The following LRRC42 variants were observed in gnomAD, a reference collection of about 807,000 sequenced individuals.
LRRC42 encodes the protein leucine rich repeat containing 42.
Under a neutral mutation model 44.3 loss-of-function variants are expected in LRRC42, and 43 were observed. The observed-to-expected ratio is 0.97, with a 90% confidence interval of 0.76 to 1.25. The LOEUF is 1.25. Ranked by LOEUF, LRRC42 falls within the 50% of genes most tolerant of loss-of-function variation. The pLI is 0.00. For synonymous variants in LRRC42, 207 were observed against 195.2 expected, an observed-to-expected ratio of 1.06 and a Z score of -0.50; for missense variants, 540 against 509.1, an observed-to-expected ratio of 1.06 and a Z score of -0.58.
At chr1:53,947,180 C>A (rs1374586349) in intron 1 of LRRC42, among the ~76,000 whole-genome samples, 2 of 151,474 alleles carry the variant, frequency 1.3e-5, no homozygotes, top group Non-Finnish European at 2.9e-5. Context: ...AAGGTTGGGT[C>A]TGTGGGACAG....
At chr1:53,948,063 A>T (rs1654573663) in intron 2 of LRRC42, 1 of 152,184 alleles carries the variant, frequency 6.6e-6, no homozygotes, top group African/African-American at 2.4e-5. Flanking sequence ...ATTACATGAG[A>T]TCATTTTATA....
intron 3 of LRRC42, among the ~76,000 whole-genome samples, chr1:53,954,112 A>G (rs1654766930): frequency 6.6e-6 from 1 of 152,272 alleles, no homozygotes; most frequent in African/African-American, 2.4e-5. Flanking sequence ...AGAGAAAGCC[A>G]TATCAGAAAA....
chr1:53,947,852 T>A (rs1654563194), intron 2 of LRRC42, 31 bp downstream of exon 2: 1 of 152,230 alleles, frequency 6.6e-6, no homozygotes, highest in African/African-American at 2.4e-5. Flanking sequence ...ACATTTTTTT[T>A]ATCCTTAAGG....
At chr1:53,962,624 G>T (rs1370850180) in intron 7 of LRRC42, among the ~76,000 whole-genome samples, 16 of 152,194 alleles carry the variant, frequency 1.1e-4, no homozygotes, top group Admixed American at 1.0e-3. Context: ...TCACTAGGTT[G>T]TGCCTTATCT....
At chr1:53,949,831 G>A (rs561915387) in intron 2 of LRRC42, among the ~76,000 whole-genome samples, 1 of 152,216 alleles carries the variant, frequency 6.6e-6, no homozygotes, top group Non-Finnish European at 1.5e-5. Context: ...TCTGGCAAGT[G>A]GGGGAGGAGC....
intron 5 of LRRC42, among the ~76,000 whole-genome samples, chr1:53,961,191 C>T (rs1172205907): frequency 1.3e-5 from 2 of 152,138 alleles, no homozygotes; most frequent in Non-Finnish European, 2.9e-5. Context: ...GGGCAGATCA[C>T]GAGGTCAGGA....
Position 53,960,455 on chromosome 1 carries a change from A to G in LRRC42, c.705A>G (p.Leu235=). ...TGATGAAAAGAGGCCTTGAGAATCT[A>G]ACATTATTAGACTTATCATGTAAGT... ...VRVMKRGLEN[L]TLLDLSCNPE... is the part of the protein sequence containing the mutation. The change falls in exon 5 of 9, where the codon CTA becomes CTG. Residue 235 remains leucine (L), a synonymous_variant. Transcript: ENST00000371370. The G allele has an allele frequency of 6.2e-7, 1 of 1,610,314 alleles. No homozygotes were observed. Among genetic ancestry groups the G allele is most frequent in the Non-Finnish European group, 8.5e-7 (1 of 1,176,882 alleles).
intron 4 of LRRC42, 58 bp from the exon 5 acceptor site, chr1:53,960,298 T>C (rs1654959234): frequency 7.8e-6 from 9 of 1,158,002 alleles, no homozygotes; most frequent in African/African-American, 7.7e-5. Flanking sequence ...CATGTTTTTA[T>C]ACCTAGATTG....
At chr1:53,961,336 G>A (rs566908109) in intron 5 of LRRC42, among the ~76,000 whole-genome samples, 6 of 152,114 alleles carry the variant, frequency 3.9e-5, no homozygotes, top group Admixed American at 1.3e-4. Context: ...GCGTGAATCC[G>A]GGAGGCGGAG....
chr1:53,962,409 G>A lies in LRRC42; in HGVS notation c.927G>A (p.Gln309=). 6.3e-7 allele frequency: 1 copy of A among 1,597,558 alleles called. No homozygotes were observed. The highest frequency in any genetic ancestry group is 1.1e-5 in the South Asian group (1 of 90,594). Reference sequence around the variant, plus strand: ...GCAAGACAGAGGGCTGGGCTGACCAGGTACTCCAGATTTTTCTTCCTTGCG... The same window carrying A: ...GCAAGACAGAGGGCTGGGCTGACCAAGTACTCCAGATTTTTCTTCCTTGCG... ...SNCKTEGWAD[Q]IVLQWERVTA... The change falls in exon 7 of 9, where the codon CAG becomes CAA. Residue 309 remains glutamine (Q), a splice_region_variant and synonymous_variant. Coordinates refer to ENST00000371370, the MANE Select transcript of LRRC42 (RefSeq NM_001256409.2).
At chr1:53,956,316 A>G (rs1654834907) in intron 3 of LRRC42, among the ~76,000 whole-genome samples, 1 of 152,160 alleles carries the variant, frequency 6.6e-6, no homozygotes, top group Non-Finnish European at 1.5e-5. Flanking sequence ...TTTTAATCCC[A>G]CTGGTGGTAA....
chr1:53,958,127 G>T, intron 3 of LRRC42, 22 bp from the exon 4 acceptor site: 1 of 1,612,610 alleles, frequency 6.2e-7, no homozygotes, highest in South Asian at 1.1e-5. Flanking sequence ...GGAAGCTATT[G>T]ATTGCTCTCC....
At chr1:53,957,708 A>G in intron 3 of LRRC42, among the ~76,000 whole-genome samples, 1 of 152,220 alleles carries the variant, frequency 6.6e-6, no homozygotes, top group East Asian at 1.9e-4. Flanking sequence ...ATTGGAAACG[A>G]GAGTTCTTGA....
In LRRC42 at chr1:53,960,578, C is replaced by G; in HGVS notation, c.724+104C>G. ...TTTAGAGGTGAGAAAGGAAAGGTGA[C>G]TTTCCTCGGTGCCATAGAAACTTGG... On this transcript the variant is annotated intron_variant, in intron 5 of 8. Transcript: ENST00000371370. 4.7e-6 allele frequency: 4 copies of G among 842,882 alleles called. No homozygotes were observed. In the South Asian group the frequency reaches 7.0e-5, roughly 15 times the overall value. The allele number at this position is 842,882 out of a possible 1,614,324, so 52.2% of individuals were successfully genotyped here.
At chr1:53,951,463 C>T (rs892110063) in intron 2 of LRRC42, among the ~76,000 whole-genome samples, 2 of 152,110 alleles carry the variant, frequency 1.3e-5, no homozygotes, top group Admixed American at 1.3e-4. Context: ...TCGCTCTTGT[C>T]ACCCAGGCTG....
In LRRC42 at chr1:53,967,714, C is replaced by G; in HGVS notation, c.1062C>G (p.Asp354Glu). The G allele has an allele frequency of 6.2e-7, 1 of 1,614,122 alleles. No homozygotes were observed. The highest frequency in any genetic ancestry group is 8.5e-7 in the Non-Finnish European group (1 of 1,179,980). ...AEAPLKCPLA[D>E]THMNSSEKLQ... Reference sequence around the variant, plus strand: ...CCCCACTGAAGTGTCCCCTGGCAGACACCCACATGAACTCTTCCGAGAAAC... The same window carrying G: ...CCCCACTGAAGTGTCCCCTGGCAGAGACCCACATGAACTCTTCCGAGAAAC... Residue 354 changes from aspartate (D) to glutamate (E), a missense_variant, in exon 9 of 9, where the codon GAC becomes GAG. Physicochemically the swap from Asp to Glu is conservative, Grantham distance 45. Coordinates refer to ENST00000371370, the MANE Select transcript of LRRC42 (RefSeq NM_001256409.2).
intron 2 of LRRC42, 198 bp downstream of exon 2, chr1:53,948,019 A>G (rs1479616774): frequency 6.6e-6 from 1 of 152,140 alleles, no homozygotes; most frequent in Non-Finnish European, 1.5e-5. Flanking sequence ...TTTGTCTATT[A>G]AAAGGCAATA....
chr1:53,963,947 A>T (rs202241056), intron 7 of LRRC42, among the ~76,000 whole-genome samples: 1 of 82,306 alleles, frequency 1.2e-5, no homozygotes, highest in Non-Finnish European at 2.3e-5. Context: ...CCTCCTGCCC[A>T]CCCCCCCCCC....
chr1:53,955,578 G>A (rs1424707847), intron 3 of LRRC42, among the ~76,000 whole-genome samples: 12 of 151,466 alleles, frequency 7.9e-5, no homozygotes, highest in African/African-American at 2.9e-4. Context: ...GATTACAAGC[G>A]TGAGCGACCA....
Sources: allele counts gnomAD v4.1 joint callset (sites outside exome capture counted in the v4.1 genomes callset), GRCh38; gene constraint gnomAD v4.1.1; transcripts MANE v1.5; gene names NCBI Gene and HGNC (gene_info 2026-07-23, HGNC 2026-07-21).